Variants in DIS3L observed in about 807,000 individuals in gnomAD.
DIS3L encodes the protein DIS3-like exonuclease 1.
DIS3L carries 100 observed loss-of-function variants against 120.3 expected under a neutral mutation model. That is an observed-to-expected ratio of 0.83 (90% confidence interval 0.71 to 0.98). The LOEUF is 0.98. Ranked by LOEUF, DIS3L falls within the 50% of genes least tolerant of loss-of-function variation. The pLI, the probability that DIS3L is intolerant of heterozygous loss-of-function variation, is 0.00. For missense variants in DIS3L, 1,196 were observed against 1,314.2 expected (o/e 0.91, Z 1.39); for synonymous variants, 426 against 470.6 (o/e 0.91, Z 1.23).
At position 66,306,878 on chromosome 15, in the gene DIS3L, CTT is replaced by C; in HGVS notation, c.350_351del (p.Phe117CysfsTer2). The C allele has an allele frequency of 6.2e-7, 1 of 1,614,188 alleles. No homozygotes were observed. The highest frequency in any genetic ancestry group is 8.5e-7 in the Non-Finnish European group (1 of 1,180,026). On this transcript the variant is annotated frameshift_variant, in exon 3 of 17. Transcript: ENST00000319212. LOFTEE classifies it high-confidence loss of function. ...LKDARHDCIL[F>X]ANEFQQCCYL... ...AGGATGCGCGTCATGATTGCATTCT[CTT>C]TGCTAATGAATTCCAGCAATGCTGC...
At chr15:66,321,263 A>C (rs939495174) in intron 9 of DIS3L, among the ~76,000 whole-genome samples, 4 of 152,194 alleles carry the variant, frequency 2.6e-5, no homozygotes, top group African/African-American at 9.7e-5. Flanking sequence ...AACCCTCATA[A>C]ATCTTGTGTA....
chr15:66,321,066 C>T (rs924417817), intron 9 of DIS3L, among the ~76,000 whole-genome samples: 9 of 152,208 alleles, frequency 5.9e-5, no homozygotes, highest in Non-Finnish European at 1.3e-4. Context: ...GCTCCACACT[C>T]TCTGTCCAAA....
chr15:66,316,041 T>C (rs2092813484), intron 7 of DIS3L, among the ~76,000 whole-genome samples: 1 of 152,252 alleles, frequency 6.6e-6, no homozygotes, highest in African/African-American at 2.4e-5. Context: ...TTCTGTTCTC[T>C]GCGCTCTCTC....
At chr15:66,305,216 G>T (rs957918484) in intron 2 of DIS3L, among the ~76,000 whole-genome samples, 1 of 151,690 alleles carries the variant, frequency 6.6e-6, no homozygotes, top group Non-Finnish European at 1.5e-5. Context: ...TAGCCAGGAT[G>T]GTCTCGATCT....
chr15:66,299,269 A>G (rs906233859), intron 2 of DIS3L, among the ~76,000 whole-genome samples: 6 of 152,124 alleles, frequency 3.9e-5, no homozygotes, highest in Non-Finnish European at 7.4e-5. Context: ...AGGATTACTC[A>G]GCGGTGGTTC....
chr15:66,322,219 G>T (rs980546616), intron 9 of DIS3L, among the ~76,000 whole-genome samples: 4 of 152,098 alleles, frequency 2.6e-5, no homozygotes, highest in Non-Finnish European at 5.9e-5. Flanking sequence ...TAATAATGGA[G>T]AGAAAATGCC....
Position 66,329,535 on chromosome 15 carries a change from C to T in DIS3L, c.2535+136C>T, listed in dbSNP as rs570096769. 8.8e-5 allele frequency: 118 copies of T among 1,339,478 alleles called. No homozygotes were observed. In the South Asian group the frequency reaches 2.3e-3, roughly 26 times the overall value. The allele number at this position is 1,339,478 out of a possible 1,614,324, so 83.0% of individuals were successfully genotyped here. A position where few individuals can be genotyped will look rare whatever the true frequency, so the allele number is the denominator to read the frequency against. On this transcript the variant is annotated intron_variant, in intron 14 of 16. Transcript: ENST00000319212. ...ATTATTCTAACCAGTGCTTTCAGAA[C>T]ATTTGTAGATGTTCTCAGGTAACTT...
chr15:66,309,279 T>C (rs1040706254), intron 4 of DIS3L, among the ~76,000 whole-genome samples: 2 of 150,610 alleles, frequency 1.3e-5, no homozygotes, highest in African/African-American at 4.9e-5. Context: ...TTCTTCATTA[T>C]GCCCCAACTA....
At chr15:66,293,455 G>A (rs915052811), upstream of DIS3L, 4 of 1,214,228 alleles carry the variant, frequency 3.3e-6, no homozygotes, top group Admixed American at 9.1e-5. Flanking sequence ...CCAGCCTGGA[G>A]CGTGTAGCTC....
intron 2 of DIS3L, among the ~76,000 whole-genome samples, chr15:66,306,024 G>A (rs961475008): frequency 6.6e-6 from 1 of 152,122 alleles, no homozygotes; most frequent in African/African-American, 2.4e-5. Flanking sequence ...AGGTCTCACT[G>A]TGTAACCTAG....
chr15:66,324,173 C>T (rs1198203323), intron 11 of DIS3L, among the ~76,000 whole-genome samples: 1 of 152,026 alleles, frequency 6.6e-6, no homozygotes, highest in Non-Finnish European at 1.5e-5. Flanking sequence ...TATATATATA[C>T]TGTTTAGCAC....
intron 15 of DIS3L, among the ~76,000 whole-genome samples, chr15:66,332,455 TCA>T (rs2093008887): frequency 1.1e-5 from 1 of 91,912 alleles, no homozygotes; most frequent in Admixed American, 1.1e-4. Flanking sequence ...AGACTCTGTC[TCA>T]AAAAAAAAAA....
At chr15:66,330,009 T>C in intron 14 of DIS3L, 1 of 985,242 alleles carries the variant, frequency 1.0e-6, no homozygotes, top group Non-Finnish European at 1.2e-6. Context: ...CATTTTTATT[T>C]ATAAAAATAT....
chr15:66,295,528 GTACTT>G (rs922003386), intron 2 of DIS3L, among the ~76,000 whole-genome samples: 4 of 152,186 alleles, frequency 2.6e-5, no homozygotes, highest in Non-Finnish European at 5.9e-5. Context: ...GGGGAAAAGA[GTACTT>G]TATTTTTAAA....
intron 7 of DIS3L, among the ~76,000 whole-genome samples, chr15:66,318,033 G>C (rs953439313): frequency 1.3e-5 from 2 of 152,132 alleles, no homozygotes; most frequent in African/African-American, 4.8e-5. Flanking sequence ...GGAGTGTAGT[G>C]GTGCATCTCG....
Position 66,333,356 on chromosome 15 carries a change from C to T in DIS3L, c.*44C>T. On this transcript the variant is annotated 3_prime_UTR_variant, in exon 17 of 17. Transcript: ENST00000319212. ...AGAGCTGTCATATGTGAATGTTTTA[C>T]AGTCTTTTCAAACTTAACATTTAAT... 4 of 1,536,878 alleles carry T rather than the reference C, an allele frequency of 2.6e-6. No homozygotes were observed. In the South Asian group the frequency reaches 5.1e-5, roughly 20 times the overall value.
rs373138447 is a variant in DIS3L at position 66,331,970 on chromosome 15, C to T, written c.2631C>T (p.Asp877=). ...DPATEERCIS[D]GVIYSIRTNG... ...CCACCGAGGAGCGTTGCATATCTGA[C>T]GGAGTTATTTATTCAATTAGAACAA... is the stretch of plus-strand genomic sequence containing the variant. The change falls in exon 15 of 17, where the codon GAC becomes GAT. Residue 877 remains aspartate, a synonymous_variant. Transcript: ENST00000319212. 53 of 1,612,816 alleles carry T rather than the reference C, an allele frequency of 3.3e-5. No homozygotes were observed. Among genetic ancestry groups the T allele is most frequent in the Middle Eastern group, 1.7e-4 (1 of 6,060 alleles).
At chr15:66,315,924 C>G (rs779235623) in intron 7 of DIS3L, among the ~76,000 whole-genome samples, 1 of 152,132 alleles carries the variant, frequency 6.6e-6, no homozygotes, top group Non-Finnish European at 1.5e-5. Flanking sequence ...TCTGCCTTCC[C>G]TGGGTCTCCT....
chr15:66,295,251 T>C (rs1595708288), intron 2 of DIS3L, 110 bp downstream of exon 2: 1 of 1,055,362 alleles, frequency 9.5e-7, no homozygotes, highest in East Asian at 2.4e-5. Flanking sequence ...CAGAAGGGAC[T>C]TTTAAAACTA....
Sources: allele counts gnomAD v4.1 joint callset (sites outside exome capture counted in the v4.1 genomes callset), GRCh38; gene constraint gnomAD v4.1.1; transcripts MANE v1.5; gene names NCBI Gene and HGNC (gene_info 2026-07-23, HGNC 2026-07-21).